The following EIF3H variants were observed in gnomAD, a reference collection of about 807,000 sequenced individuals.
EIF3H encodes eukaryotic translation initiation factor 3 subunit H, also known as eIF-3-gamma.
In EIF3H, 26 loss-of-function variants were observed where a neutral mutation model predicts 44.2. That is an observed-to-expected ratio of 0.59 (90% CI 0.43 to 0.82). The LOEUF (loss-of-function observed/expected upper bound fraction) is 0.82, where lower values mean the gene tolerates loss of function less well. Among genes scored for constraint, EIF3H ranks in the 40% least tolerant of loss-of-function variants. The pLI, the probability that EIF3H is intolerant of heterozygous loss-of-function variation, is 0.00. For synonymous variants in EIF3H, 166 were observed against 151.9 expected (o/e 1.09, Z -0.68); for missense variants, 359 against 432.8 (o/e 0.83, Z 1.51).
chr8:116,679,772 C>T (rs1191810838), intron 2 of EIF3H, among the ~76,000 whole-genome samples: 1 of 14,066 alleles, frequency 7.1e-5, no homozygotes, highest in African/African-American at 3.2e-4. Flanking sequence ...GGGGGGTCAG[C>T]CCCCCGCCCG....
At chr8:116,699,664 G>A (rs1245902357) in intron 2 of EIF3H, among the ~76,000 whole-genome samples, 1 of 151,992 alleles carries the variant, frequency 6.6e-6, no homozygotes, top group South Asian at 2.1e-4. Context: ...ATACTCACGT[G>A]GCAAATCTGT....
At chr8:116,648,407 G>C (rs1813339274) in intron 6 of EIF3H, among the ~76,000 whole-genome samples, 1 of 152,156 alleles carries the variant, frequency 6.6e-6, no homozygotes, top group African/African-American at 2.4e-5. Context: ...AACATTGCTT[G>C]CTCTTAATCA....
In EIF3H at chr8:116,644,822, GAGCA is replaced by G; in HGVS notation, c.*180_*183del. ...AGAGAAAATACATCTAAAATCAAAT[GAGCA>G]AGCAGTCAAGATTTTGTTTTATTTT... On this transcript the variant is annotated 3_prime_UTR_variant, in exon 8 of 8. Transcript: ENST00000521861. The G allele has an allele frequency of 1.1e-5, 6 of 534,326 alleles. No homozygotes were observed. In the East Asian group the frequency reaches 1.7e-4, roughly 15 times the overall value. 33.1% of individuals were successfully genotyped at this position (534,326 alleles called of 1,614,324 possible).
chr8:116,644,115 A>G lies in EIF3H; in HGVS notation c.*891T>C, dbSNP rs990419029. On this transcript the variant is annotated 3_prime_UTR_variant, in exon 8 of 8. Coordinates refer to ENST00000521861, the MANE Select transcript of EIF3H (RefSeq NM_003756.3). ...TTAAAATTTCTGTGGCCTGTCCAGG[A>G]GTGGTGGCTCATGCCTGTATTCCCA... is the stretch of plus-strand genomic sequence containing the variant. The G allele has an allele frequency of 1.2e-4, 18 of 152,184 alleles. No individual in the cohort carries two copies. The highest frequency in any genetic ancestry group is 4.1e-4 in the African/African-American group (17 of 41,438). The allele number at this position is 152,184 out of a possible 1,614,324, so 9.4% of individuals were successfully genotyped here.
upstream of EIF3H, among the ~76,000 whole-genome samples, chr8:116,756,205 C>T (rs180926174): frequency 3.4e-4 from 52 of 152,192 alleles, no homozygotes; most frequent in Admixed American, 3.1e-3. Context: ...GTGATTTGTC[C>T]GACATTATTC....
chr8:116,704,967 A>C lies in EIF3H; in HGVS notation c.289+21049T>G, dbSNP rs575505736. ...GTAAAGGTCTAGAGAGTTCCTCTGT[A>C]CAAAAGGTACTTTCCAGTGGAAACC... is the stretch of plus-strand genomic sequence containing the variant. On this transcript the variant is annotated intron_variant, in intron 2 of 7. Transcript: ENST00000521861. Among the ~76,000 whole-genome samples the C allele has an allele frequency of 3.3e-5, 5 of 152,358 alleles. No individual in the cohort carries two copies. In the East Asian group the frequency reaches 9.6e-4, roughly 29 times the overall value.
At chr8:116,649,476 C>A (rs564599618) in intron 5 of EIF3H, among the ~76,000 whole-genome samples, 1 of 152,150 alleles carries the variant, frequency 6.6e-6, no homozygotes, top group South Asian at 2.1e-4. Flanking sequence ...CTTATTCTCT[C>A]CCGAAATTTC....
At chr8:116,656,860 G>A (rs931307369) in intron 4 of EIF3H, among the ~76,000 whole-genome samples, 4 of 152,016 alleles carry the variant, frequency 2.6e-5, no homozygotes, top group African/African-American at 7.2e-5. Flanking sequence ...ACAAGGGTTC[G>A]GAAAATAAGA....
At chr8:116,753,247 C>T (rs1170381494) in intron 1 of EIF3H, among the ~76,000 whole-genome samples, 2 of 151,944 alleles carry the variant, frequency 1.3e-5, no homozygotes, top group South Asian at 2.1e-4. Context: ...TCTACCCAAC[C>T]GATGGAGAAC....
chr8:116,756,532 AG>A (rs1270569158), upstream of EIF3H, among the ~76,000 whole-genome samples: 1 of 152,236 alleles, frequency 6.6e-6, no homozygotes, highest in East Asian at 1.9e-4. Context: ...ATTTTAGATA[AG>A]TAATTTGAAA....
intron 2 of EIF3H, among the ~76,000 whole-genome samples, chr8:116,694,105 C>T (rs1338278740): frequency 6.6e-6 from 1 of 151,850 alleles, no homozygotes; most frequent in Non-Finnish European, 1.5e-5. Flanking sequence ...AGTCAAATTC[C>T]TTTCAGAGAA....
At chr8:116,647,369 G>A (rs1196263419) in intron 6 of EIF3H, among the ~76,000 whole-genome samples, 1 of 152,126 alleles carries the variant, frequency 6.6e-6, no homozygotes, top group Non-Finnish European at 1.5e-5. Context: ...CCAAGTGCTG[G>A]GATTACAGGC....
chr8:116,702,174 G>C (rs1814388998), intron 2 of EIF3H, among the ~76,000 whole-genome samples: 1 of 152,188 alleles, frequency 6.6e-6, no homozygotes, highest in Admixed American at 6.5e-5. Context: ...GCTGGAATGG[G>C]GAAGGGGGTA....
At chr8:116,677,708 T>C (rs747968540) in intron 2 of EIF3H, among the ~76,000 whole-genome samples, 1 of 152,220 alleles carries the variant, frequency 6.6e-6, no homozygotes, top group African/African-American at 2.4e-5. Context: ...CTTGCCCATA[T>C]AATAATAAGT....
At chr8:116,728,572 C>T (rs920920385) in intron 1 of EIF3H, among the ~76,000 whole-genome samples, 3 of 152,088 alleles carry the variant, frequency 2.0e-5, no homozygotes, top group Non-Finnish European at 2.9e-5. Flanking sequence ...AGATACAGAA[C>T]TCCAAAGGAG....
intron 2 of EIF3H, among the ~76,000 whole-genome samples, chr8:116,721,976 C>T (rs1269902298): frequency 2.0e-5 from 3 of 152,112 alleles, no homozygotes; most frequent in Non-Finnish European, 4.4e-5. Flanking sequence ...GTTAAGACTT[C>T]GGGGCACAGT....
chr8:116,726,063 C>T lies in EIF3H; in HGVS notation c.242G>A (p.Cys81Tyr). ...VVEDRLEITNCFPFPQHTEDD... is the reference protein window; with the variant it reads ...VVEDRLEITNYFPFPQHTEDD... Reference sequence around the variant, plus strand: ...CTCTGTGTGCTGAGGGAAAGGAAAGCAGTTGGTAATTTCAAGCCGATCTTC... The same window carrying T: ...CTCTGTGTGCTGAGGGAAAGGAAAGTAGTTGGTAATTTCAAGCCGATCTTC... Residue 81 changes from cysteine (C) to tyrosine (Y), a missense_variant, in exon 2 of 8, where the codon TGC becomes TAC. By Grantham distance (194) the Cys-to-Tyr change is radical. Around this residue, in one of 5 missense-constraint regions of EIF3H, gnomAD observed 91 missense variants for 164.6 expected, o/e 0.55. Coordinates refer to ENST00000521861, the MANE Select transcript of EIF3H (RefSeq NM_003756.3). The T allele has an allele frequency of 1.2e-6, 2 of 1,614,076 alleles. No individual in the cohort carries two copies. Among genetic ancestry groups the T allele is most frequent in the Non-Finnish European group, 1.7e-6 (2 of 1,179,974 alleles).
At chr8:116,696,104 T>C (rs1002225395) in intron 2 of EIF3H, among the ~76,000 whole-genome samples, 1 of 152,198 alleles carries the variant, frequency 6.6e-6, no homozygotes, top group Non-Finnish European at 1.5e-5. Context: ...ATGCTCAGGG[T>C]GTTCTTGGCA....
intron 2 of EIF3H, among the ~76,000 whole-genome samples, chr8:116,686,708 G>A (rs1814083404): frequency 6.6e-6 from 1 of 152,016 alleles, no homozygotes; most frequent in South Asian, 2.1e-4. Context: ...ATGACTGTGG[G>A]GACAGGGGAA....
Sources: gnomAD v4.1 joint callset for allele counts (sites outside exome capture counted in the v4.1 genomes callset) on GRCh38, gnomAD v4.1.1 for gene constraint, gnomAD v4.1.1 regional missense constraint, MANE v1.5 for transcripts, NCBI Gene and HGNC (gene_info 2026-07-23, HGNC 2026-07-21) for gene names.